The following METTL15 variants were observed in gnomAD, a reference collection of about 807,000 sequenced individuals.
The protein encoded by METTL15 is 12S rRNA N(4)-cytidine methyltransferase METTL15.
Under a neutral mutation model 38.3 loss-of-function variants are expected in METTL15, and 34 were observed. The observed-to-expected ratio is 0.89, with a 90% CI of 0.68 to 1.18. The LOEUF is 1.18. Ranked by LOEUF, METTL15 falls within the 50% of genes most tolerant of loss-of-function variation. The pLI is 0.00. For missense variants in METTL15, 438 were observed against 498.4 expected, an observed-to-expected ratio of 0.88 and a Z score of 1.15; for synonymous variants, 162 against 170.9, an observed-to-expected ratio of 0.95 and a Z score of 0.41.
chr11:28,248,149 C>T (rs908641665), intron 4 of METTL15, among the ~76,000 whole-genome samples: 5 of 152,010 alleles, frequency 3.3e-5, no homozygotes, highest in African/African-American at 9.7e-5. Context: ...CCTTTGTAAT[C>T]GGTTGAAAGC....
In METTL15 at chr11:28,481,636, C is replaced by A. The variant is rs373735806; in HGVS notation, c.*425-44842C>A. On this transcript the variant is annotated intron_variant and NMD_transcript_variant, in intron 6 of 7. Coordinates refer to the METTL15 transcript ENST00000532947. ...CCCCTCAAGTCACTGAAGCGGCCAG[C>A]AGGATCACATCCCATCCTGGCCCAG... Among the ~76,000 whole-genome samples, 5 of 152,146 alleles carry A rather than the reference C, an allele frequency of 3.3e-5. No homozygotes were observed. In the East Asian group the frequency reaches 5.8e-4, roughly 18 times the overall value.
chr11:28,135,409 C>T (rs1198421859), intron 3 of METTL15, among the ~76,000 whole-genome samples: 1 of 152,144 alleles, frequency 6.6e-6, no homozygotes, highest in Non-Finnish European at 1.5e-5. Context: ...TGGGTAAATT[C>T]CTCCCTTTTT....
intron 4 of METTL15, among the ~76,000 whole-genome samples, chr11:28,284,125 T>C (rs1856161690): frequency 6.6e-6 from 1 of 152,108 alleles, no homozygotes; most frequent in African/African-American, 2.4e-5. Flanking sequence ...CAGAGAACAA[T>C]TCATTTCTAG....
intron 4 of METTL15, among the ~76,000 whole-genome samples, chr11:28,280,822 T>C (rs1856027662): frequency 6.6e-6 from 1 of 152,008 alleles, no homozygotes; most frequent in African/African-American, 2.4e-5. Flanking sequence ...TTAATTATTA[T>C]AATTTTCTGT....
In METTL15 at chr11:28,429,281, G is replaced by A. The variant is rs1040025931; in HGVS notation, c.*424+4917G>A. On this transcript the variant is annotated intron_variant and NMD_transcript_variant, in intron 6 of 7. Transcript: ENST00000532947. ...CCTTAGATGACAATTAAAGAAGATC[G>A]AAAGTCAAGAGTAACTTGAAATATT... 5.3e-5 allele frequency among the ~76,000 whole-genome samples: 8 copies of A among 152,108 alleles called. No individual in the cohort carries two copies. The South Asian group carries it at 6.2e-4, about 12-fold the overall frequency.
intron 5 of METTL15, among the ~76,000 whole-genome samples, chr11:28,376,312 G>C (rs1283759699): frequency 1.3e-5 from 2 of 152,070 alleles, no homozygotes; most frequent in African/African-American, 4.8e-5. Context: ...AAGTCTCTTT[G>C]TAGGTCTCAG....
At chr11:28,182,699 A>G (rs1851337050) in intron 3 of METTL15, among the ~76,000 whole-genome samples, 1 of 152,096 alleles carries the variant, frequency 6.6e-6, no homozygotes, top group South Asian at 2.1e-4. Flanking sequence ...TGATGCCTCC[A>G]GCTTTGTTCT....
intron 6 of METTL15, among the ~76,000 whole-genome samples, chr11:28,475,662 G>T (rs536888454): frequency 4.4e-4 from 67 of 152,186 alleles, no homozygotes; most frequent in Non-Finnish European, 6.8e-4. Context: ...TATCTTTTAG[G>T]CTCCCAAGGT....
At chr11:28,509,047 G>A (rs1025780329) in intron 6 of METTL15, among the ~76,000 whole-genome samples, 31 of 152,214 alleles carry the variant, frequency 2.0e-4, no homozygotes, top group African/African-American at 7.2e-4. Context: ...TTTTGACTAG[G>A]TAGTGTCCAC....
At chr11:28,419,486 CAT>C (rs1736252177) in intron 5 of METTL15, among the ~76,000 whole-genome samples, 2 of 152,150 alleles carry the variant, frequency 1.3e-5, no homozygotes, top group Non-Finnish European at 2.9e-5. Context: ...TGACCAAAAA[CAT>C]AGATCACAAC....
At chr11:28,228,380 A>T (rs1853563988) in intron 4 of METTL15, among the ~76,000 whole-genome samples, 1 of 151,900 alleles carries the variant, frequency 6.6e-6, no homozygotes, top group Non-Finnish European at 1.5e-5. Flanking sequence ...CAGTTTTCTC[A>T]TCTTTAAAAA....
intron 3 of METTL15, among the ~76,000 whole-genome samples, chr11:28,168,351 C>A (rs891825200): frequency 6.6e-5 from 10 of 151,274 alleles, no homozygotes; most frequent in Non-Finnish European, 1.5e-5. Flanking sequence ...AAAAAAAAAA[C>A]CTATAAAGAT....
chr11:28,153,590 GC>G (rs1284003420), intron 3 of METTL15, among the ~76,000 whole-genome samples: 1 of 152,082 alleles, frequency 6.6e-6, no homozygotes, highest in Non-Finnish European at 1.5e-5. Flanking sequence ...AGGTAGATGA[GC>G]CCATGAAAAT....
chr11:28,245,728 G>A (rs534328696), intron 4 of METTL15, among the ~76,000 whole-genome samples: 1 of 152,268 alleles, frequency 6.6e-6, no homozygotes, highest in South Asian at 2.1e-4. Flanking sequence ...AGGTAGCATG[G>A]CTGGGGATGC....
At chr11:28,525,489 G>A (rs796334871) in intron 6 of METTL15, among the ~76,000 whole-genome samples, 5 of 152,078 alleles carry the variant, frequency 3.3e-5, no homozygotes, top group African/African-American at 7.2e-5. Flanking sequence ...ACAGAGTGCC[G>A]ATTGGTGAAT....
At chr11:28,151,472 T>C (rs1208449432) in intron 3 of METTL15, among the ~76,000 whole-genome samples, 1 of 151,990 alleles carries the variant, frequency 6.6e-6, no homozygotes, top group Non-Finnish European at 1.5e-5. Context: ...AGGCCCATTT[T>C]ACCTCTTCAA....
intron 3 of METTL15, among the ~76,000 whole-genome samples, chr11:28,349,723 C>T (rs1850026061): frequency 6.6e-6 from 1 of 152,064 alleles, no homozygotes; most frequent in Admixed American, 6.6e-5. Flanking sequence ...GTATATTTAC[C>T]ACATTGAGAT....
At chr11:28,154,246 C>T (rs572873950) in intron 3 of METTL15, among the ~76,000 whole-genome samples, 1 of 152,074 alleles carries the variant, frequency 6.6e-6, no homozygotes, top group African/African-American at 2.4e-5. Context: ...TTGTTACTTG[C>T]TTTATGATCT....
At chr11:28,353,856 C>T (rs1271097488) in intron 4 of METTL15, among the ~76,000 whole-genome samples, 1 of 143,560 alleles carries the variant, frequency 7.0e-6, no homozygotes, top group Non-Finnish European at 1.5e-5. Flanking sequence ...ACCCGGGAAG[C>T]GGAGCTTGCA....
Sources: allele counts gnomAD v4.1 joint callset (sites outside exome capture counted in the v4.1 genomes callset), GRCh38; gene constraint gnomAD v4.1.1; transcripts MANE v1.5; gene names NCBI Gene and HGNC (gene_info 2026-07-23, HGNC 2026-07-21).